Variants in CCDC186 observed in about 807,000 individuals in gnomAD.
The protein encoded by CCDC186 is coiled-coil domain-containing protein 186.
A neutral mutation model predicts 113.7 loss-of-function variants in CCDC186; 49 were observed. That is an observed-to-expected ratio of 0.43 (90% CI 0.34 to 0.55). CCDC186 has a LOEUF of 0.55. CCDC186 is among the 20% of genes least tolerant of loss of function. CCDC186 has a pLI of 0.02. For synonymous variants in CCDC186, 355 were observed against 345.8 expected (o/e 1.03, Z -0.30); for missense variants, 890 against 1,011.1 (o/e 0.88, Z 1.62).
chr10:114,131,697 C>T (rs2031093031), intron 11 of CCDC186, among the ~76,000 whole-genome samples: 2 of 152,142 alleles, frequency 1.3e-5, no homozygotes, highest in South Asian at 2.1e-4. Context: ...AGGACACAAA[C>T]CAGTTTTCTC....
rs1564923325 is a variant in CCDC186 at position 114,173,999 on chromosome 10, C to T, written c.-62+16G>A. ...GCGACTCACCGGTGTGCCCCGAGTA[C>T]CCCTCAGACACTTACCCCACTTATC... On this transcript the variant is annotated intron_variant, in intron 1 of 15. Coordinates refer to ENST00000369287, the MANE Select transcript of CCDC186 (RefSeq NM_018017.4). The T allele has an allele frequency of 4.3e-6, 2 of 469,946 alleles. No individual in the cohort carries two copies. Among genetic ancestry groups the T allele is most frequent in the Non-Finnish European group, 4.4e-6 (1 of 226,950 alleles). The allele number at this position is 469,946 out of a possible 1,614,324, so 29.1% of individuals were successfully genotyped here.
chr10:114,138,867 TC>T (rs2031367558), intron 6 of CCDC186, among the ~76,000 whole-genome samples: 1 of 152,276 alleles, frequency 6.6e-6, no homozygotes, highest in South Asian at 2.1e-4. Context: ...AGCAAACTGA[TC>T]CATGGTTTTG....
intron 5 of CCDC186, 46 bp from the exon 6 acceptor site, chr10:114,144,662 T>TTAATTATA: frequency 6.7e-7 from 1 of 1,502,994 alleles, no homozygotes; most frequent in East Asian, 2.4e-5. Context: ...ATAGAATCAA[T>TTAATTATA]TAATTATATC....
intron 4 of CCDC186, among the ~76,000 whole-genome samples, chr10:114,149,986 G>C (rs867936597): frequency 2.0e-5 from 3 of 152,120 alleles, no homozygotes; most frequent in South Asian, 4.1e-4. Context: ...GGTACAAAAG[G>C]GTTCAGAACT....
intron 10 of CCDC186, among the ~76,000 whole-genome samples, chr10:114,132,975 G>T (rs929254659): frequency 6.6e-6 from 1 of 152,178 alleles, no homozygotes; most frequent in African/African-American, 2.4e-5. Flanking sequence ...GAAGCAGCAA[G>T]GGACAGGTCA....
chr10:114,148,141 C>T (rs1347948733), intron 4 of CCDC186, among the ~76,000 whole-genome samples: 5 of 151,916 alleles, frequency 3.3e-5, no homozygotes, highest in African/African-American at 7.3e-5. Context: ...AAAAAATAAA[C>T]GGAAAATATT....
chr10:114,160,188 T>C (rs2032129324), intron 2 of CCDC186, among the ~76,000 whole-genome samples: 1 of 151,184 alleles, frequency 6.6e-6, no homozygotes, highest in Non-Finnish European at 1.5e-5. Flanking sequence ...GAGAATTGCT[T>C]GAATCCAGGA....
At chr10:114,159,337 T>C (rs1187339501) in intron 2 of CCDC186, among the ~76,000 whole-genome samples, 3 of 152,128 alleles carry the variant, frequency 2.0e-5, no homozygotes, top group Non-Finnish European at 4.4e-5. Context: ...TTGTTACTTA[T>C]GTGCCAAATG....
At chr10:114,130,615 C>T (rs927315155) in intron 12 of CCDC186, 9 of 152,002 alleles carry the variant, frequency 5.9e-5, no homozygotes, top group Non-Finnish European at 7.4e-5. Context: ...TAAGTCGCAA[C>T]GATTTCCAAG....
chr10:114,136,128 T>C lies in CCDC186; in HGVS notation c.1425+20A>G, dbSNP rs779487474. On this transcript the variant is annotated intron_variant, in intron 8 of 15. Coordinates refer to ENST00000369287, the MANE Select transcript of CCDC186 (RefSeq NM_018017.4). The stretch of plus-strand genomic sequence containing the variant: ...TATTTATTATGCAACTTAGGATATA[T>C]AAAGAGCAAAACTACTCACCTCTAG... The C allele has an allele frequency of 2.5e-6, 4 of 1,593,932 alleles. No individual in the cohort carries two copies. The highest frequency in any genetic ancestry group is 1.1e-5 in the South Asian group (1 of 90,560).
intron 2 of CCDC186, among the ~76,000 whole-genome samples, chr10:114,159,441 G>A (rs1241826704): frequency 6.6e-6 from 1 of 151,912 alleles, no homozygotes; most frequent in Non-Finnish European, 1.5e-5. Flanking sequence ...TCAAGAGACC[G>A]AGACCACCCT....
intron 1 of CCDC186, among the ~76,000 whole-genome samples, chr10:114,170,409 T>C (rs2032458324): frequency 6.6e-6 from 1 of 152,068 alleles, no homozygotes; most frequent in Non-Finnish European, 1.5e-5. Flanking sequence ...CAGCCTCAAA[T>C]TCCTGGGCTC....
chr10:114,140,884 T>C (rs1309978015), intron 6 of CCDC186, among the ~76,000 whole-genome samples: 1 of 151,798 alleles, frequency 6.6e-6, no homozygotes, highest in Non-Finnish European at 1.5e-5. Context: ...TTCTATTATT[T>C]ATGTCATTTC....
At chr10:114,163,395 A>T (rs2032238485) in intron 1 of CCDC186, 66 bp from the exon 2 acceptor site, 4 of 1,285,044 alleles carry the variant, frequency 3.1e-6, no homozygotes, top group Non-Finnish European at 4.2e-6. Context: ...ACTTGCACAC[A>T]CTCTGTGATG....
chr10:114,167,015 GTT>G lies in CCDC186; in HGVS notation c.-61-3688_-61-3687del, dbSNP rs201434736. ...TGATAACTACTTAGCTTGCAAGCTGGTTTTTTTTTTTTTTTTTTTTTTTAAAG... is the reference window on the plus strand; with the variant it reads ...TGATAACTACTTAGCTTGCAAGCTGGTTTTTTTTTTTTTTTTTTTTTAAAG... On this transcript the variant is annotated intron_variant, in intron 1 of 15. Coordinates refer to ENST00000369287, the MANE Select transcript of CCDC186 (RefSeq NM_018017.4). Among the ~76,000 whole-genome samples, 752 of 127,222 alleles carry G rather than the reference GTT, an allele frequency of 5.9e-3. 7 individuals carry two copies. Among genetic ancestry groups the G allele is most frequent in the African/African-American group, 0.02 (670 of 34,138 alleles). 83.5% of individuals were successfully genotyped at this position (127,222 alleles called of 152,430 possible). A position where few individuals can be genotyped will look rare whatever the true frequency, so the allele number is the denominator to read the frequency against.
chr10:114,148,243 C>T (rs1337939499), intron 4 of CCDC186, among the ~76,000 whole-genome samples: 2 of 152,174 alleles, frequency 1.3e-5, no homozygotes, highest in Non-Finnish European at 2.9e-5. Flanking sequence ...AAGGAATAAC[C>T]TGGGGTGCTT....
chr10:114,164,052 T>G (rs565759584), intron 1 of CCDC186, among the ~76,000 whole-genome samples: 1 of 146,526 alleles, frequency 6.8e-6, no homozygotes, highest in East Asian at 2.0e-4. Context: ...CTTTATTAAT[T>G]TGACCAAGTT....
chr10:114,167,017 T>C lies in CCDC186; in HGVS notation c.-61-3688A>G, dbSNP rs936012890. Among the ~76,000 whole-genome samples, 9 of 117,070 alleles carry C rather than the reference T, an allele frequency of 7.7e-5. No homozygotes were observed. In the East Asian group the frequency reaches 1.3e-3, roughly 17 times the overall value. 76.8% of individuals were successfully genotyped at this position (117,070 alleles called of 152,430 possible). On this transcript the variant is annotated intron_variant, in intron 1 of 15. Transcript: ENST00000369287. ...ATAACTACTTAGCTTGCAAGCTGGT[T>C]TTTTTTTTTTTTTTTTTTTTTAAAG... is the stretch of plus-strand genomic sequence containing the variant.
intron 5 of CCDC186, among the ~76,000 whole-genome samples, chr10:114,145,094 T>C (rs929707956): frequency 2.6e-5 from 4 of 152,176 alleles, no homozygotes; most frequent in African/African-American, 4.8e-5. Flanking sequence ...TTAGATAGTA[T>C]CTAAGAAAGA....
Sources: allele counts gnomAD v4.1 joint callset (sites outside exome capture counted in the v4.1 genomes callset), GRCh38; gene constraint gnomAD v4.1.1; transcripts MANE v1.5; gene names NCBI Gene and HGNC (gene_info 2026-07-23, HGNC 2026-07-21).